Variants in TASP1 observed in about 807,000 individuals in gnomAD.
TASP1 encodes taspase 1.
Under a neutral mutation model 56.6 loss-of-function variants are expected in TASP1, and 16 were observed. That is an observed-to-expected ratio of 0.28 (90% confidence interval 0.19 to 0.43). TASP1 has a LOEUF of 0.43. Among genes scored for constraint, TASP1 ranks in the 20% least tolerant of loss-of-function variants. The probability of loss-of-function intolerance (pLI) is 1.00; values close to 1 mark genes in which losing one functional copy is unlikely to be tolerated. For missense variants in TASP1, 393 were observed against 511.6 expected, an observed-to-expected ratio of 0.77 and a Z score of 2.24; for synonymous variants, 179 against 184.2, an observed-to-expected ratio of 0.97 and a Z score of 0.23.
the TASP1 span, among the ~76,000 whole-genome samples, chr20:13,380,512 A>T: frequency 6.6e-6 from 1 of 151,688 alleles, no homozygotes; most frequent in East Asian, 1.9e-4. Context: ...GTGTCTGTCA[A>T]CCCCTGCTTG....
the TASP1 span, among the ~76,000 whole-genome samples, chr20:13,258,908 G>A: frequency 6.6e-5 from 10 of 152,204 alleles, no homozygotes; most frequent in African/African-American, 1.2e-4. Context: ...ACCAACATCC[G>A]GATAGGGGCC....
At chr20:13,636,248 C>T (rs984157546) in intron 1 of TASP1, among the ~76,000 whole-genome samples, 2 of 145,930 alleles carry the variant, frequency 1.4e-5, no homozygotes, top group African/African-American at 2.6e-5. Flanking sequence ...CAGGTTCAAG[C>T]GATTCTTGTG....
At chr20:13,422,688 G>C (rs1251163408) in intron 12 of TASP1, among the ~76,000 whole-genome samples, 3 of 152,076 alleles carry the variant, frequency 2.0e-5, no homozygotes, top group Non-Finnish European at 4.4e-5. Flanking sequence ...ATTTTAAATG[G>C]CAAAATCACC....
intron 10 of TASP1, among the ~76,000 whole-genome samples, chr20:13,510,819 A>C (rs2044298979): frequency 6.6e-6 from 1 of 152,152 alleles, no homozygotes; most frequent in African/African-American, 2.4e-5. Context: ...CATGCTCAAC[A>C]AATGCTAACT....
chr20:13,263,962 GT>G, the TASP1 span, among the ~76,000 whole-genome samples: 1 of 150,188 alleles, frequency 6.7e-6, no homozygotes, highest in Admixed American at 6.8e-5. Flanking sequence ...GATTCCTAGG[GT>G]TTTTTTGTTT....
At chr20:13,242,522 G>A in the TASP1 span, among the ~76,000 whole-genome samples, 2 of 152,176 alleles carry the variant, frequency 1.3e-5, no homozygotes, top group African/African-American at 2.4e-5. Context: ...TCCAGTAAAA[G>A]GTTTGGGAAG....
At chr20:13,558,966 T>A in intron 8 of TASP1, 42 bp downstream of exon 8, 1 of 1,261,916 alleles carries the variant, frequency 7.9e-7, no homozygotes, top group Non-Finnish European at 1.1e-6. Context: ...AGAAGATATA[T>A]CATCTGATAC....
chr20:13,517,347 G>A (rs200758106), intron 10 of TASP1, among the ~76,000 whole-genome samples: 1 of 151,976 alleles, frequency 6.6e-6, no homozygotes, highest in Non-Finnish European at 1.5e-5. Context: ...TCTTGCTGAG[G>A]AGCAAAATAC....
intron 12 of TASP1, among the ~76,000 whole-genome samples, chr20:13,424,244 C>A (rs972425014): frequency 3.3e-5 from 5 of 151,960 alleles, no homozygotes; most frequent in African/African-American, 1.2e-4. Context: ...TAGTTAAGTC[C>A]TAATGTATAA....
intron 10 of TASP1, among the ~76,000 whole-genome samples, chr20:13,490,846 TC>T (rs1201283071): frequency 2.0e-5 from 3 of 152,100 alleles, no homozygotes; most frequent in Non-Finnish European, 1.5e-5. Flanking sequence ...ACCAACTACC[TC>T]ACAGGGTTGT....
the TASP1 span, among the ~76,000 whole-genome samples, chr20:13,114,025 C>A: frequency 2.4e-4 from 36 of 152,164 alleles, no homozygotes; most frequent in African/African-American, 8.4e-4. Context: ...GACAGATAAC[C>A]GAGATGAGGC....
chr20:13,167,599 A>G, the TASP1 span: 4 of 152,338 alleles, frequency 2.6e-5, no homozygotes, highest in South Asian at 2.1e-4. Context: ...GATATTTGTA[A>G]GGAGGCTATC....
chr20:13,617,121 C>T (rs2048551027), intron 4 of TASP1: 1 of 450,734 alleles, frequency 2.2e-6, no homozygotes, highest in South Asian at 1.6e-5. Flanking sequence ...TGTGTGTGTA[C>T]ACCTCAAAAA....
At chr20:13,551,998 A>G (rs188045164) in intron 8 of TASP1, among the ~76,000 whole-genome samples, 31 of 152,346 alleles carry the variant, frequency 2.0e-4, no homozygotes, top group Admixed American at 2.6e-4. Context: ...TACTGTGTGT[A>G]TACAATGAGC....
chr20:13,478,346 TACACACACACAC>T (rs35289716), intron 11 of TASP1, among the ~76,000 whole-genome samples: 10 of 140,194 alleles, frequency 7.1e-5, no homozygotes, highest in Non-Finnish European at 1.3e-4. Context: ...GAAAATATGA[TACACACACACAC>T]ACACACACAC....
At chr20:13,201,310 T>C in the TASP1 span, among the ~76,000 whole-genome samples, 17 of 152,248 alleles carry the variant, frequency 1.1e-4, no homozygotes, top group East Asian at 2.7e-3. Flanking sequence ...CTGAGAGGGC[T>C]AGCCCTGAGG....
chr20:13,198,928 C>G, the TASP1 span, among the ~76,000 whole-genome samples: 6 of 148,918 alleles, frequency 4.0e-5, no homozygotes, highest in South Asian at 1.3e-3. Context: ...TATTTTGAGA[C>G]AAGATCTTGC....
intron 11 of TASP1, among the ~76,000 whole-genome samples, chr20:13,459,615 T>C (rs551566554): frequency 3.4e-4 from 52 of 152,276 alleles, no homozygotes; most frequent in African/African-American, 1.1e-3. Flanking sequence ...TGGCAATACA[T>C]AGGCAAGTAC....
chr20:13,528,397 G>A, intron 10 of TASP1, 36 bp downstream of exon 10: 1 of 1,564,238 alleles, frequency 6.4e-7, no homozygotes, highest in Non-Finnish European at 8.7e-7. Flanking sequence ...TGACAAGGTT[G>A]AAGTTATGAG....
Sources: gnomAD v4.1 joint callset for allele counts (sites outside exome capture counted in the v4.1 genomes callset) on GRCh38, gnomAD v4.1.1 for gene constraint, MANE v1.5 for transcripts, NCBI Gene and HGNC (gene_info 2026-07-23, HGNC 2026-07-21) for gene names.